KIRREL3: variants seen among roughly 807,000 people sequenced by gnomAD.
KIRREL3 encodes kirre like nephrin family adhesion molecule 3, also known as kin of IRRE-like protein 3.
A neutral mutation model predicts 89.7 loss-of-function variants in KIRREL3; 36 were observed. The ratio of observed to expected loss-of-function variants is 0.40; its 90% CI spans 0.31 to 0.53. The LOEUF (loss-of-function observed/expected upper bound fraction) is 0.53. Among genes scored for constraint, KIRREL3 ranks in the 20% least tolerant of loss-of-function variants. The pLI, the probability that KIRREL3 is intolerant of heterozygous loss-of-function variation, is 0.49. For missense variants in KIRREL3, 864 were observed against 1,056.6 expected, an observed-to-expected ratio of 0.82 and a Z score of 2.53; for synonymous variants, 445 against 441.4, an observed-to-expected ratio of 1.01 and a Z score of -0.10.
chr11:126,478,543 ATG>A (rs1226658918), intron 4 of KIRREL3, among the ~76,000 whole-genome samples: 6 of 151,458 alleles, frequency 4.0e-5, no homozygotes. Context: ...ATGTGTGTAC[ATG>A]TGTGTATATG....
At chr11:126,497,627 A>C (rs1462463718) in intron 4 of KIRREL3, among the ~76,000 whole-genome samples, 1 of 152,240 alleles carries the variant, frequency 6.6e-6, no homozygotes, top group Non-Finnish European at 1.5e-5. Flanking sequence ...AGAAGTGAGC[A>C]AACTCTCTTC....
chr11:126,817,101 CACT>C lies in KIRREL3; in HGVS notation c.55+183351_55+183353del, dbSNP rs1338623764. ...AAAAATAACAAATGAGGAAAGCCAACACTATTAAAATTAATAGGAAAGATAGAA... is the reference window on the plus strand; with the variant it reads ...AAAAATAACAAATGAGGAAAGCCAACATTAAAATTAATAGGAAAGATAGAA... On this transcript the variant is annotated intron_variant, in intron 1 of 16. Coordinates refer to ENST00000525144, the MANE Select transcript of KIRREL3 (RefSeq NM_032531.4). The surrounding 1 kb of genome is among the most constrained non-coding windows in gnomAD (Gnocchi z 5.7). Among the ~76,000 whole-genome samples the C allele has an allele frequency of 6.6e-6, 1 of 152,056 alleles. No homozygotes were observed. The highest frequency in any genetic ancestry group is 1.5e-5 in the Non-Finnish European group (1 of 68,016).
intron 1 of KIRREL3, among the ~76,000 whole-genome samples, chr11:126,926,478 C>T (rs1017586967): frequency 6.6e-6 from 1 of 152,184 alleles, no homozygotes. Context: ...AGGTAGGTCA[C>T]GGCTCTGAGA....
At chr11:126,920,524 G>A (rs1947227469) in intron 1 of KIRREL3, 1 of 152,230 alleles carries the variant, frequency 6.6e-6, no homozygotes, top group Admixed American at 6.5e-5. Flanking sequence ...TTGCCAGGTG[G>A]TGTCAGTGCT....
chr11:126,644,665 TG>T (rs1420514329), intron 1 of KIRREL3, among the ~76,000 whole-genome samples: 2 of 151,984 alleles, frequency 1.3e-5, no homozygotes, highest in Non-Finnish European at 2.9e-5. Flanking sequence ...AATAAAGAGA[TG>T]GTACAGTGGA....
At chr11:126,442,038 TGAG>T (rs1032473666) in intron 10 of KIRREL3, among the ~76,000 whole-genome samples, 80 of 151,970 alleles carry the variant, frequency 5.3e-4, no homozygotes, top group African/African-American at 1.6e-3. Context: ...TTTGGGAGGC[TGAG>T]GAGGGTGGAT....
rs1944566906 is a variant in KIRREL3 at position 126,643,939 on chromosome 11, T to C, written c.56-81027A>G. Among the ~76,000 whole-genome samples, 1 of 152,036 alleles carries C rather than the reference T, an allele frequency of 6.6e-6. No individual in the cohort carries two copies. ...AGAACACAGAGAAAAGGCAAGAGTT[T>C]TTGCAGGAAGGTAAGCTATGTGCTA... On this transcript the variant is annotated intron_variant, in intron 1 of 16. Coordinates refer to ENST00000525144, the MANE Select transcript of KIRREL3 (RefSeq NM_032531.4). This position sits in a 1 kb window ranked among gnomAD's most constrained non-coding sequence, Gnocchi z 4.5.
At chr11:126,626,676 G>T (rs1005610360) in intron 1 of KIRREL3, among the ~76,000 whole-genome samples, 5 of 152,202 alleles carry the variant, frequency 3.3e-5, no homozygotes, top group Admixed American at 6.5e-5. Flanking sequence ...CTATCAGCCC[G>T]TTGATAAGTC....
intron 1 of KIRREL3, among the ~76,000 whole-genome samples, chr11:126,699,676 T>G (rs1947236740): frequency 6.6e-6 from 1 of 152,162 alleles, no homozygotes; most frequent in Non-Finnish European, 1.5e-5. Context: ...TGGCCATGCT[T>G]CAAATGCTCA....
intron 1 of KIRREL3, among the ~76,000 whole-genome samples, chr11:126,868,772 G>A (rs996448569): frequency 1.3e-5 from 2 of 152,084 alleles, no homozygotes; most frequent in African/African-American, 4.8e-5. Flanking sequence ...CATACACTGA[G>A]TGGCTGACAA....
Position 126,651,674 on chromosome 11 carries a change from C to A in KIRREL3, c.56-88762G>T. On this transcript the variant is annotated intron_variant, in intron 1 of 16. Coordinates refer to ENST00000525144, the MANE Select transcript of KIRREL3 (RefSeq NM_032531.4). This position sits in a 1 kb window ranked among gnomAD's most constrained non-coding sequence, Gnocchi z 4.6. Reference sequence around the variant, plus strand: ...GTGGGTATTATGGAGATATTAATTCCATATGAAACCTCACAATTCATTCAT... The same window carrying A: ...GTGGGTATTATGGAGATATTAATTCAATATGAAACCTCACAATTCATTCAT... 6.6e-6 allele frequency among the ~76,000 whole-genome samples: 1 copy of A among 152,146 alleles called. No individual in the cohort carries two copies. Among genetic ancestry groups the A allele is most frequent in the East Asian group, 1.9e-4 (1 of 5,192 alleles).
intron 2 of KIRREL3, among the ~76,000 whole-genome samples, chr11:126,554,756 C>A (rs147862547): frequency 1.3e-5 from 2 of 152,194 alleles, no homozygotes; most frequent in Non-Finnish European, 2.9e-5. Context: ...CCTGGAACTG[C>A]AGCCCTTAGT....
chr11:126,467,073 C>G (rs1214402862), intron 5 of KIRREL3, among the ~76,000 whole-genome samples: 4 of 152,250 alleles, frequency 2.6e-5, no homozygotes, highest in Non-Finnish European at 5.9e-5. Context: ...GTGTGTGCAG[C>G]ATGTGTCCGG....
chr11:126,986,036 T>C (rs1285794327), intron 1 of KIRREL3, among the ~76,000 whole-genome samples: 1 of 152,182 alleles, frequency 6.6e-6, no homozygotes, highest in African/African-American at 2.4e-5. Flanking sequence ...ATCCACCACC[T>C]GTGCCTTTCC....
chr11:126,658,573 A>G (rs1397915189), intron 1 of KIRREL3, among the ~76,000 whole-genome samples: 1 of 152,214 alleles, frequency 6.6e-6, no homozygotes, highest in Non-Finnish European at 1.5e-5. Context: ...AAAGTATTTA[A>G]CCTATTGATC....
rs1949470618 is a variant in KIRREL3, at chr11:126,755,705, T to G, written c.56-192793A>C. 6.6e-6 allele frequency among the ~76,000 whole-genome samples: 1 copy of G among 152,150 alleles called. No homozygotes were observed. The highest frequency in any genetic ancestry group is 2.4e-5 in the African/African-American group (1 of 41,438). ...CCTGGCAGCAATCTAATTCCAGCTC[T>G]CCTTGTCAGAATGTGTCTTCCTGCC... On this transcript the variant is annotated intron_variant, in intron 1 of 16. Transcript: ENST00000525144. The surrounding 1 kb of genome is among the most constrained non-coding windows in gnomAD (Gnocchi z 4.3).
chr11:126,770,680 C>G (rs143881169), intron 1 of KIRREL3, among the ~76,000 whole-genome samples: 208 of 152,252 alleles, frequency 1.4e-3, no homozygotes, highest in African/African-American at 4.5e-3. Context: ...CTGTGACCCT[C>G]AGACCTCATC....
In KIRREL3 at chr11:126,424,692, T is replaced by A. The variant is rs1194823631; in HGVS notation, c.2225A>T (p.Gln742Leu). 6.2e-7 allele frequency: 1 copy of A among 1,614,054 alleles called. No individual in the cohort carries two copies. Among genetic ancestry groups the A allele is most frequent in the Non-Finnish European group, 8.5e-7 (1 of 1,179,892 alleles). The change falls in exon 17 of 17, where the codon CAG becomes CTG. Residue 742 changes from glutamine (Q) to leucine (L), a missense_variant. Physicochemically the swap from Gln to Leu is moderately radical, Grantham distance 113. Coordinates refer to ENST00000525144, the MANE Select transcript of KIRREL3 (RefSeq NM_032531.4). ...SSSGKQDGYVQFDKASKASAS... is the reference protein window; with the variant it reads ...SSSGKQDGYVLFDKASKASAS... ...AGAAGCCTTGCTGGCCTTGTCGAACTGCACATAGCCATCCTGCTTGCCGCT... is the reference window on the plus strand; with the variant it reads ...AGAAGCCTTGCTGGCCTTGTCGAACAGCACATAGCCATCCTGCTTGCCGCT...
chr11:126,847,966 C>A (rs1944205370), intron 1 of KIRREL3, among the ~76,000 whole-genome samples: 1 of 152,164 alleles, frequency 6.6e-6, no homozygotes, highest in Non-Finnish European at 1.5e-5. Context: ...AAATGGTGTG[C>A]TTTCTTTAAG....
Sources: gnomAD v4.1 joint callset for allele counts (sites outside exome capture counted in the v4.1 genomes callset) on GRCh38, gnomAD v4.1.1 for gene constraint, Gnocchi (gnomAD v3.1) non-coding constraint, MANE v1.5 for transcripts, NCBI Gene and HGNC (gene_info 2026-07-23, HGNC 2026-07-21) for gene names.